The following PEX5L variants were observed in gnomAD, a reference collection of about 807,000 sequenced individuals.
The protein encoded by PEX5L is PEX5-related protein.
PEX5L carries 30 observed loss-of-function variants against 84.0 expected under a neutral mutation model. The observed-to-expected ratio is 0.36, with a 90% CI of 0.27 to 0.48. The LOEUF (loss-of-function observed/expected upper bound fraction) is 0.48, where lower values mean the gene tolerates loss of function less well. Among genes scored for constraint, PEX5L ranks in the 20% least tolerant of loss-of-function variants. The pLI is 0.99. For missense variants in PEX5L, 533 were observed against 754.6 expected, an observed-to-expected ratio of 0.71 and a Z score of 3.44; for synonymous variants, 270 against 283.1, an observed-to-expected ratio of 0.95 and a Z score of 0.46.
At chr3:179,964,847 C>T (rs548544746) in intron 2 of PEX5L, among the ~76,000 whole-genome samples, 20 of 152,334 alleles carry the variant, frequency 1.3e-4, no homozygotes, top group African/African-American at 4.3e-4. Flanking sequence ...TTACCGCACG[C>T]TACGTACTTT....
intron 2 of PEX5L, among the ~76,000 whole-genome samples, chr3:179,932,921 G>A (rs1449991128): frequency 6.6e-6 from 1 of 152,014 alleles, no homozygotes; most frequent in African/African-American, 2.4e-5. Flanking sequence ...ATACATTGTT[G>A]TAACTATAGT....
chr3:179,869,377 G>T (rs1749496934), intron 7 of PEX5L, among the ~76,000 whole-genome samples: 1 of 152,004 alleles, frequency 6.6e-6, no homozygotes, highest in Non-Finnish European at 1.5e-5. Context: ...AATTTTTTGG[G>T]ATATATGACT....
At chr3:179,935,580 A>G (rs1774350337) in intron 2 of PEX5L, among the ~76,000 whole-genome samples, 1 of 152,128 alleles carries the variant, frequency 6.6e-6, no homozygotes, top group African/African-American at 2.4e-5. Context: ...TTTAATAATG[A>G]GAAATACATG....
intron 8 of PEX5L, among the ~76,000 whole-genome samples, chr3:179,850,812 A>G (rs549055165): frequency 4.5e-4 from 68 of 152,374 alleles, no homozygotes; most frequent in African/African-American, 1.6e-3. Flanking sequence ...TTAATGCATC[A>G]GTTCTTTCCA....
chr3:180,010,336 G>T (rs887914102), intron 1 of PEX5L, among the ~76,000 whole-genome samples: 1 of 143,344 alleles, frequency 7.0e-6, no homozygotes, highest in African/African-American at 2.7e-5. Flanking sequence ...CCATTCTCCT[G>T]CCTTGGCCTC....
intron 1 of PEX5L, among the ~76,000 whole-genome samples, chr3:180,003,384 T>TA (rs61655411): frequency 0.19 from 28,197 of 149,756 alleles, 3,102 homozygotes; most frequent in African/African-American, 0.31. Flanking sequence ...GACTGGGCAC[T>TA]AAAAAAAAGA....
intron 1 of PEX5L, among the ~76,000 whole-genome samples, chr3:179,972,284 C>CT (rs150433099): frequency 0.024 from 3,464 of 144,568 alleles, 53 homozygotes; most frequent in Middle Eastern, 0.036. Context: ...TGTAAATGCA[C>CT]TTTTTTTTTT....
intron 1 of PEX5L, among the ~76,000 whole-genome samples, chr3:180,006,398 G>C (rs1579317369): frequency 1.3e-5 from 2 of 151,192 alleles, no homozygotes; most frequent in Non-Finnish European, 1.5e-5. Flanking sequence ...AAATATATAA[G>C]GTCATTGACA....
intron 1 of PEX5L, among the ~76,000 whole-genome samples, chr3:180,010,213 G>A (rs1446990216): frequency 6.7e-6 from 1 of 148,968 alleles, no homozygotes; most frequent in African/African-American, 2.5e-5. Flanking sequence ...CCAAAGTGAT[G>A]GGATTACAGG....
intron 1 of PEX5L, among the ~76,000 whole-genome samples, chr3:179,977,386 T>C (rs927703760): frequency 3.9e-5 from 6 of 152,174 alleles, no homozygotes; most frequent in African/African-American, 1.4e-4. Flanking sequence ...GCCTGGTAAA[T>C]GGTGAACTGA....
chr3:179,911,751 T>C (rs1433935905), intron 2 of PEX5L, among the ~76,000 whole-genome samples: 2 of 152,132 alleles, frequency 1.3e-5, no homozygotes, highest in East Asian at 3.9e-4. Flanking sequence ...GTTGCAAGAC[T>C]CCAAGGTACC....
intron 1 of PEX5L, among the ~76,000 whole-genome samples, chr3:180,021,300 C>T (rs1381761848): frequency 6.6e-6 from 1 of 152,086 alleles, no homozygotes; most frequent in African/African-American, 2.4e-5. Context: ...CTTATGAGGA[C>T]ATTGTAGATG....
chr3:179,945,850 T>C (rs1777383040), intron 2 of PEX5L, among the ~76,000 whole-genome samples: 2 of 152,164 alleles, frequency 1.3e-5, no homozygotes, highest in South Asian at 4.1e-4. Context: ...CTAGTCTCAG[T>C]TCTCCCACTC....
intron 1 of PEX5L, among the ~76,000 whole-genome samples, chr3:179,979,976 T>A (rs1786168589): frequency 6.6e-6 from 1 of 152,162 alleles, no homozygotes; most frequent in Non-Finnish European, 1.5e-5. Context: ...GATCTGGACA[T>A]CATGATTTTA....
chr3:180,004,586 T>TTTTTG (rs929976326), intron 1 of PEX5L, among the ~76,000 whole-genome samples: 6 of 152,120 alleles, frequency 3.9e-5, no homozygotes, highest in Admixed American at 6.6e-5. Flanking sequence ...TAATTTATTG[T>TTTTTG]TTTTGTTTTG....
intron 8 of PEX5L, among the ~76,000 whole-genome samples, chr3:179,852,669 C>A (rs1742362849): frequency 6.6e-6 from 1 of 152,200 alleles, no homozygotes; most frequent in South Asian, 2.1e-4. Flanking sequence ...CCTGTTCTTG[C>A]CTCTGATGAC....
Position 179,800,319 on chromosome 3 carries a change from T to G in PEX5L, c.*1509A>C, listed in dbSNP as rs1718489227. On this transcript the variant is annotated 3_prime_UTR_variant, in exon 15 of 15. Coordinates refer to ENST00000467460, the MANE Select transcript of PEX5L (RefSeq NM_016559.3). ...TAATCATGAGCGGGATGAGCTATTA[T>G]TATCAAAGAACATAAATAAAAAGTT... is the stretch of plus-strand genomic sequence containing the variant. 6.6e-6 allele frequency: 1 copy of G among 152,162 alleles called. No homozygotes were observed. The allele number at this position is 152,162 out of a possible 1,614,324, so 9.4% of individuals were successfully genotyped here. A position where few individuals can be genotyped will look rare whatever the true frequency, so the allele number is the denominator to read the frequency against.
At chr3:179,947,526 T>G (rs1777891288) in intron 2 of PEX5L, among the ~76,000 whole-genome samples, 1 of 151,942 alleles carries the variant, frequency 6.6e-6, no homozygotes. Context: ...AAACCCAGGT[T>G]TTTTTCTATT....
chr3:179,878,470 C>A (rs1463319234), intron 5 of PEX5L, among the ~76,000 whole-genome samples: 2 of 152,206 alleles, frequency 1.3e-5, no homozygotes, highest in Non-Finnish European at 2.9e-5. Context: ...GCATGACATC[C>A]AAGGATTCCT....
Sources: gnomAD v4.1 joint callset for allele counts (sites outside exome capture counted in the v4.1 genomes callset) on GRCh38, gnomAD v4.1.1 for gene constraint, MANE v1.5 for transcripts, NCBI Gene and HGNC (gene_info 2026-07-23, HGNC 2026-07-21) for gene names.